Variants in SEC31A observed in about 807,000 individuals in gnomAD.
SEC31A encodes SEC31 homolog A, COPII component.
SEC31A carries 70 observed loss-of-function variants against 151.0 expected under a neutral mutation model. That is an observed-to-expected ratio of 0.46 (90% CI 0.38 to 0.57). The LOEUF is 0.57. SEC31A is among the 20% of genes least tolerant of loss of function. The pLI is 0.00. For synonymous variants in SEC31A, 475 were observed against 505.9 expected (o/e 0.94, Z 0.82); for missense variants, 1,330 against 1,471.2 (o/e 0.90, Z 1.57).
At chr4:82,890,911 G>A in intron 1 of SEC31A, 177 bp downstream of exon 1, 7 of 1,413,866 alleles carry the variant, frequency 5.0e-6, no homozygotes, top group Non-Finnish European at 6.4e-6. Flanking sequence ...GAGTCCAGAT[G>A]CCAGGCGTTG....
chr4:82,890,364 G>C (rs1175663280), intron 1 of SEC31A, among the ~76,000 whole-genome samples: 2 of 152,074 alleles, frequency 1.3e-5, no homozygotes, highest in African/African-American at 4.8e-5. Context: ...TCTATAGTTA[G>C]AAAAAATAAG....
chr4:82,891,250 A>T, upstream of SEC31A: 1 of 1,389,476 alleles, frequency 7.2e-7, no homozygotes, highest in Non-Finnish European at 9.7e-7. Context: ...CACTTCCGGG[A>T]GCGACATCTT....
At chr4:82,847,442 A>T (rs1730483313) in intron 20 of SEC31A, among the ~76,000 whole-genome samples, 1 of 152,246 alleles carries the variant, frequency 6.6e-6, no homozygotes, top group Non-Finnish European at 1.5e-5. Flanking sequence ...CAAATCTTTC[A>T]ATGTTTTTAT....
intron 3 of SEC31A, among the ~76,000 whole-genome samples, chr4:82,880,136 T>C (rs1317358479): frequency 6.6e-6 from 1 of 151,228 alleles, no homozygotes; most frequent in African/African-American, 2.4e-5. Flanking sequence ...TGAGCCGAGA[T>C]TGCGCCATTG....
At chr4:82,842,627 T>C in intron 21 of SEC31A, 146 bp from the exon 22 acceptor site, 1 of 656,820 alleles carries the variant, frequency 1.5e-6, no homozygotes, top group African/African-American at 1.8e-5. Context: ...CACCATTATA[T>C]TTTTGAGGCT....
intron 1 of SEC31A, among the ~76,000 whole-genome samples, chr4:82,890,110 C>A (rs1189808473): frequency 6.8e-6 from 1 of 147,888 alleles, no homozygotes; most frequent in African/African-American, 2.5e-5. Context: ...CGCCTGTAAT[C>A]CCAGCTACTC....
At chr4:82,832,628 T>C (rs1448127689) in intron 22 of SEC31A, among the ~76,000 whole-genome samples, 2 of 152,110 alleles carry the variant, frequency 1.3e-5, no homozygotes, top group Non-Finnish European at 2.9e-5. Context: ...ACCTACAGAA[T>C]GGGAGAAAAT....
chr4:82,829,824 TA>T (rs1271790624), intron 22 of SEC31A, among the ~76,000 whole-genome samples: 1 of 152,154 alleles, frequency 6.6e-6, no homozygotes, highest in Non-Finnish European at 1.5e-5. Flanking sequence ...TAGCAGAACT[TA>T]TTAAGTATTT....
At chr4:82,837,762 GT>G (rs1727767978) in intron 22 of SEC31A, among the ~76,000 whole-genome samples, 1 of 152,184 alleles carries the variant, frequency 6.6e-6, no homozygotes, top group South Asian at 2.1e-4. Flanking sequence ...GGAACTGCTG[GT>G]CTCACATGCA....
intron 1 of SEC31A, among the ~76,000 whole-genome samples, chr4:82,889,732 T>A (rs1390901530): frequency 6.6e-6 from 1 of 152,158 alleles, no homozygotes; most frequent in African/African-American, 2.4e-5. Flanking sequence ...AAGAATTTGC[T>A]TATATAAAAT....
intron 7 of SEC31A, 126 bp downstream of exon 7, chr4:82,871,818 G>T: frequency 8.2e-7 from 1 of 1,223,136 alleles, no homozygotes. Context: ...CAGCCTAAGT[G>T]ACAGAGCAAA....
chr4:82,873,067 T>C (rs950664789), intron 6 of SEC31A, among the ~76,000 whole-genome samples: 2 of 152,022 alleles, frequency 1.3e-5, no homozygotes, highest in African/African-American at 4.8e-5. Context: ...AGATAAAAGA[T>C]TAACACATAC....
chr4:82,890,370 ATAAGT>A (rs994103219), intron 1 of SEC31A, among the ~76,000 whole-genome samples: 8 of 152,194 alleles, frequency 5.3e-5, no homozygotes, highest in Admixed American at 1.3e-4. Context: ...GTTAGAAAAA[ATAAGT>A]TAGGAGAAAG....
chr4:82,838,208 T>C (rs1727887733), intron 22 of SEC31A, among the ~76,000 whole-genome samples: 1 of 152,216 alleles, frequency 6.6e-6, no homozygotes, highest in South Asian at 2.1e-4. Context: ...TTTTTTTAAA[T>C]TTCAGAACAC....
intron 22 of SEC31A, among the ~76,000 whole-genome samples, chr4:82,840,530 G>A (rs943694086): frequency 6.6e-6 from 1 of 152,112 alleles, no homozygotes; most frequent in African/African-American, 2.4e-5. Context: ...GTAAGTTTTG[G>A]TACTCTGGAC....
rs1734438654 is a variant in SEC31A at position 82,862,588 on chromosome 4, C to T, written c.1510-16G>A. 11 of 1,610,194 alleles carry T rather than the reference C, an allele frequency of 6.8e-6. No homozygotes were observed. In the East Asian group the frequency reaches 2.5e-4, roughly 36 times the overall value. On this transcript the variant is annotated splice_polypyrimidine_tract_variant and intron_variant, in intron 12 of 26. Coordinates refer to ENST00000395310, the MANE Select transcript of SEC31A (RefSeq NM_001077207.4). ...CCAAAGCAATCTGAAATAAAAATAA[C>T]AGCTCACCTACTACATGGAATTCTA...
Position 82,824,939 on chromosome 4 carries a change from G to A in SEC31A, c.3292-265C>T, listed in dbSNP as rs141084528. ...TAGTTGATTAATTTAGGTAACATAT[G>A]TTGGTCAATATTGTTTATAACTGAT... On this transcript the variant is annotated intron_variant, in intron 24 of 26. Coordinates refer to ENST00000395310, the MANE Select transcript of SEC31A (RefSeq NM_001077207.4). 1.2e-4 allele frequency among the ~76,000 whole-genome samples: 18 copies of A among 152,326 alleles called. No individual in the cohort carries two copies. The East Asian group carries it at 2.5e-3, about 21-fold the overall frequency.
In SEC31A at chr4:82,863,652, T is replaced by G. The variant is rs572634093; in HGVS notation, c.1435-260A>C. ...TTATTAATAGTAAATATACTAGTAA[T>G]TAATTATCCTGGTTGAATAAAGCTT... On this transcript the variant is annotated intron_variant, in intron 11 of 26. Transcript: ENST00000395310. Among the ~76,000 whole-genome samples the G allele has an allele frequency of 2.0e-5, 3 of 152,162 alleles. No individual in the cohort carries two copies. The East Asian group carries it at 5.8e-4, about 29-fold the overall frequency.
At position 82,848,842 on chromosome 4, in the gene SEC31A, G is replaced by C. The variant is rs1446707037; in HGVS notation, c.2464C>G (p.Gln822Glu). The change falls in exon 20 of 27, where the codon CAG becomes GAG. Residue 822 changes from glutamine to glutamate, a missense_variant. Coordinates refer to ENST00000395310, the MANE Select transcript of SEC31A (RefSeq NM_001077207.4). Reference sequence around the variant, plus strand: ...TGTTGAGTTTGAACTCTTGGCATCTGGTGGTGGCCAGCAACTGGTCCAGGC... The same window carrying C: ...TGTTGAGTTTGAACTCTTGGCATCTCGTGGTGGCCAGCAACTGGTCCAGGC... ...GRPGPVAGHH[Q>E]MPRVQTQQYY... The C allele has an allele frequency of 6.2e-7, 1 of 1,613,924 alleles. No individual in the cohort carries two copies. Among genetic ancestry groups the C allele is most frequent in the Non-Finnish European group, 8.5e-7 (1 of 1,179,944 alleles).
Sources: gnomAD v4.1 joint callset for allele counts (sites outside exome capture counted in the v4.1 genomes callset) on GRCh38, gnomAD v4.1.1 for gene constraint, MANE v1.5 for transcripts, NCBI Gene and HGNC (gene_info 2026-07-23, HGNC 2026-07-21) for gene names.